Variants in VWF observed in about 807,000 individuals in gnomAD.
VWF encodes Factor VIII related antigen.
A neutral mutation model predicts 308.6 loss-of-function variants in VWF; 176 were observed. That is an observed-to-expected ratio of 0.57 (90% confidence interval 0.50 to 0.65). The LOEUF is 0.65. VWF is among the 30% of genes least tolerant of loss of function. The probability of loss-of-function intolerance (pLI) is 0.00; values close to 1 mark genes in which losing one functional copy is unlikely to be tolerated. For missense variants in VWF, 3,146 were observed against 3,648.2 expected (o/e 0.86, Z 3.55); for synonymous variants, 1,385 against 1,443.4 (o/e 0.96, Z 0.92).
intron 21 of VWF, among the ~76,000 whole-genome samples, chr12:6,031,239 G>A (rs547461062): frequency 6.6e-6 from 1 of 152,208 alleles, no homozygotes; most frequent in East Asian, 1.9e-4. Flanking sequence ...CGCTAAAATG[G>A]GATTGTGTCA....
chr12:6,042,201 G>GC (rs1944403528), intron 18 of VWF, among the ~76,000 whole-genome samples: 1 of 151,950 alleles, frequency 6.6e-6, no homozygotes, highest in African/African-American at 2.4e-5. Context: ...TGCTCTTTCT[G>GC]CCCCCCGCAG....
intron 38 of VWF, among the ~76,000 whole-genome samples, chr12:5,990,888 A>ATTTG (rs1565821610): frequency 7.3e-6 from 1 of 137,506 alleles, no homozygotes; most frequent in African/African-American, 2.7e-5. Flanking sequence ...AAAAAAAAAA[A>ATTTG]AAAAAAAAAA....
intron 38 of VWF, 132 bp downstream of exon 38, chr12:5,991,687 C>T: frequency 2.2e-6 from 2 of 929,710 alleles, no homozygotes. Context: ...TACTGCCTCC[C>T]TATCCCTAAT....
chr12:6,017,355 G>A (rs1944074942), intron 28 of VWF, among the ~76,000 whole-genome samples: 2 of 152,292 alleles, frequency 1.3e-5, no homozygotes, highest in South Asian at 2.1e-4. Context: ...GTTAGTGTCT[G>A]AGCACATCTG....
At chr12:5,967,682 G>T in intron 46 of VWF, 80 bp from the exon 47 acceptor site, 1 of 1,271,706 alleles carries the variant, frequency 7.9e-7, no homozygotes, top group Non-Finnish European at 1.1e-6. Flanking sequence ...CCTGTCTCCT[G>T]CCCACCCACC....
At chr12:6,108,334 T>C (rs746870933) in intron 5 of VWF, among the ~76,000 whole-genome samples, 4,449 of 124,090 alleles carry the variant, frequency 0.036, 224 homozygotes, top group African/African-American at 0.1. Flanking sequence ...AAGAAATATA[T>C]ACACACACAC....
rs1000185974 is a variant in VWF, at chr12:5,995,939, G to C, written c.6063+63C>G. The C allele has an allele frequency of 9.2e-6, 14 of 1,525,520 alleles. No individual in the cohort carries two copies. In the African/African-American group the frequency reaches 1.6e-4, roughly 18 times the overall value. 94.5% of individuals were successfully genotyped at this position (1,525,520 alleles called of 1,614,324 possible). A position where few individuals can be genotyped will look rare whatever the true frequency, so the allele number is the denominator to read the frequency against. ...CATCAACTAAAAGCAACTGCCACCA[G>C]GTCCAGGTGGTTTTCCTGACATTCT... On this transcript the variant is annotated intron_variant, in intron 35 of 51. Transcript: ENST00000261405.
In VWF at chr12:6,012,171, C is replaced by G. The variant is rs1351370742; in HGVS notation, c.5621-41G>C. ...ATAAGACCTTAGTTCCCATCTTTCA[C>G]CCAGAAATTCTGAACCATTCACAAT... is the stretch of plus-strand genomic sequence containing the variant. On this transcript the variant is annotated intron_variant, in intron 32 of 51. Coordinates refer to ENST00000261405, the MANE Select transcript of VWF (RefSeq NM_000552.5). The G allele has an allele frequency of 3.1e-6, 5 of 1,610,932 alleles. No homozygotes were observed. In the African/African-American group the frequency reaches 6.7e-5, roughly 22 times the overall value.
At chr12:6,066,949 G>C (rs1227683190) in intron 10 of VWF, among the ~76,000 whole-genome samples, 5 of 152,216 alleles carry the variant, frequency 3.3e-5, no homozygotes. Context: ...CCCTCTGCCT[G>C]GTCCCCAGGA....
At chr12:5,970,123 C>T (rs1943454457) in intron 44 of VWF, among the ~76,000 whole-genome samples, 2 of 152,134 alleles carry the variant, frequency 1.3e-5, no homozygotes, top group South Asian at 4.1e-4. Flanking sequence ...ATTCTCTTCA[C>T]CCCCCACTCC....
chr12:6,047,395 C>A (rs1234235531), intron 16 of VWF, among the ~76,000 whole-genome samples: 2 of 152,190 alleles, frequency 1.3e-5, no homozygotes, highest in African/African-American at 4.8e-5. Flanking sequence ...ATCCCCCGAC[C>A]AAAGCCAATT....
chr12:6,046,890 C>T lies in VWF; in HGVS notation c.2187-73G>A. ...TCGCTGCCTCCACATCTTCACCTCCCACTCACTCTCTGCCCCTTCCAACCA... is the reference window on the plus strand; with the variant it reads ...TCGCTGCCTCCACATCTTCACCTCCTACTCACTCTCTGCCCCTTCCAACCA... On this transcript the variant is annotated intron_variant, in intron 16 of 51. Transcript: ENST00000261405. This position sits in a 1 kb window ranked among gnomAD's most constrained non-coding sequence, Gnocchi z 5.0. 7.3e-7 allele frequency: 1 copy of T among 1,364,198 alleles called. No individual in the cohort carries two copies. The allele number at this position is 1,364,198 out of a possible 1,614,324, so 84.5% of individuals were successfully genotyped here. A position where few individuals can be genotyped will look rare whatever the true frequency, so the allele number is the denominator to read the frequency against.
At chr12:5,954,333 C>G (rs756858898) in intron 47 of VWF, among the ~76,000 whole-genome samples, 5 of 152,174 alleles carry the variant, frequency 3.3e-5, no homozygotes, top group African/African-American at 4.8e-5. Flanking sequence ...ATTGGACTAA[C>G]CTTCCTGCAG....
chr12:6,081,675 C>T (rs187700172), intron 6 of VWF, among the ~76,000 whole-genome samples: 4 of 152,226 alleles, frequency 2.6e-5, no homozygotes, highest in Admixed American at 1.3e-4. Flanking sequence ...CAGGGATCGC[C>T]TAGGACTCCC....
At chr12:6,025,449 G>C (rs1007100668) in intron 24 of VWF, 131 bp downstream of exon 24, 1 of 774,948 alleles carries the variant, frequency 1.3e-6, no homozygotes, top group South Asian at 1.5e-5. Context: ...AAAAAAAGCC[G>C]AAGTGGTGTC....
intron 42 of VWF, among the ~76,000 whole-genome samples, chr12:5,976,714 A>C (rs1405907260): frequency 6.6e-6 from 1 of 152,158 alleles, no homozygotes; most frequent in Non-Finnish European, 1.5e-5. Context: ...CCCCTTGCCC[A>C]CGAGTGACTA....
chr12:6,001,052 T>C (rs547400758), intron 34 of VWF, among the ~76,000 whole-genome samples: 1 of 152,192 alleles, frequency 6.6e-6, no homozygotes, highest in Admixed American at 6.5e-5. Flanking sequence ...AATAACCTCA[T>C]TGATTGTTGG....
At chr12:6,050,467 G>A (rs1278857667) in intron 16 of VWF, among the ~76,000 whole-genome samples, 3 of 152,140 alleles carry the variant, frequency 2.0e-5, no homozygotes, top group Admixed American at 6.5e-5. Context: ...TCCCTGCTAA[G>A]AACCTTCCAG....
At position 5,948,974 on chromosome 12, in the gene VWF, C is replaced by G; in HGVS notation, c.*41G>C. ...CAGCACTCTGGCCTGGCCATCAGGC[C>G]AAGGCAGGCAGCAGCAGGCACCCAT... On this transcript the variant is annotated 3_prime_UTR_variant, in exon 52 of 52. Coordinates refer to ENST00000261405, the MANE Select transcript of VWF (RefSeq NM_000552.5). The surrounding 1 kb of genome is among the most constrained non-coding windows in gnomAD (Gnocchi z 4.4). 6.3e-7 allele frequency: 1 copy of G among 1,593,974 alleles called. No individual in the cohort carries two copies. Among genetic ancestry groups the G allele is most frequent in the Non-Finnish European group, 8.5e-7 (1 of 1,170,664 alleles).
Sources: allele counts gnomAD v4.1 joint callset (sites outside exome capture counted in the v4.1 genomes callset), GRCh38; gene constraint gnomAD v4.1.1; non-coding constraint Gnocchi (gnomAD v3.1); transcripts MANE v1.5; gene names NCBI Gene and HGNC (gene_info 2026-07-23, HGNC 2026-07-21).